The following ARHGAP26 variants were observed in gnomAD, a reference collection of about 807,000 sequenced individuals.
The protein encoded by ARHGAP26 is Rho GTPase activating protein 26.
ARHGAP26 carries 38 observed loss-of-function variants against 104.8 expected under a neutral mutation model. The ratio of observed to expected loss-of-function variants is 0.36; its 90% CI spans 0.28 to 0.48. The LOEUF (loss-of-function observed/expected upper bound fraction) is 0.48, where lower values mean the gene tolerates loss of function less well. Ranked by LOEUF, ARHGAP26 falls within the 20% of genes least tolerant of loss-of-function variation. The probability of loss-of-function intolerance (pLI) is 0.99; values close to 1 mark genes in which losing one functional copy is unlikely to be tolerated. For missense variants in ARHGAP26, 704 were observed against 947.9 expected (o/e 0.74, Z 3.38); for synonymous variants, 341 against 340.0 (o/e 1.00, Z -0.03).
intron 22 of ARHGAP26, among the ~76,000 whole-genome samples, chr5:143,220,158 C>T (rs1030609007): frequency 3.9e-5 from 6 of 152,132 alleles, no homozygotes; most frequent in Non-Finnish European, 5.9e-5. Flanking sequence ...GGCTATAAAG[C>T]GGGAGGGCCT....
At chr5:143,134,889 T>A (rs565684257) in intron 19 of ARHGAP26, among the ~76,000 whole-genome samples, 18 of 152,288 alleles carry the variant, frequency 1.2e-4, no homozygotes, top group Non-Finnish European at 5.9e-5. Flanking sequence ...GCCTGGGACA[T>A]GGCAAGGGCC....
intron 17 of ARHGAP26, among the ~76,000 whole-genome samples, chr5:143,085,091 G>T (rs1790380901): frequency 6.6e-6 from 1 of 150,556 alleles, no homozygotes; most frequent in Non-Finnish European, 1.5e-5. Flanking sequence ...CACGGGTAGA[G>T]TTTCCTCTCC....
chr5:143,017,606 G>A (rs116419617), intron 12 of ARHGAP26, among the ~76,000 whole-genome samples: 74 of 152,168 alleles, frequency 4.9e-4, no homozygotes, highest in African/African-American at 1.6e-3. Context: ...TTGATAAATG[G>A]TGTGTGTTAA....
intron 20 of ARHGAP26, among the ~76,000 whole-genome samples, chr5:143,179,009 A>G (rs1803911980): frequency 6.6e-6 from 1 of 152,022 alleles, no homozygotes; most frequent in Non-Finnish European, 1.5e-5. Flanking sequence ...AGCTGGGATT[A>G]CAGGCACCTG....
chr5:142,790,666 C>T (rs1201170105), intron 1 of ARHGAP26, among the ~76,000 whole-genome samples: 2 of 152,180 alleles, frequency 1.3e-5, no homozygotes, highest in African/African-American at 2.4e-5. Flanking sequence ...CCTCTTTCTA[C>T]CTCACTGTGT....
intron 1 of ARHGAP26, among the ~76,000 whole-genome samples, chr5:142,828,955 C>T (rs1252149970): frequency 6.6e-6 from 1 of 152,198 alleles, no homozygotes; most frequent in Non-Finnish European, 1.5e-5. Context: ...GTATCTGTTT[C>T]ACCTGTTAAA....
intron 11 of ARHGAP26, among the ~76,000 whole-genome samples, chr5:142,934,035 A>G (rs1322191854): frequency 1.3e-5 from 2 of 152,154 alleles, no homozygotes; most frequent in African/African-American, 2.4e-5. Flanking sequence ...ATGGGATTCT[A>G]TTCTTGGTAT....
At chr5:142,804,977 CATA>C (rs1212487315) in intron 1 of ARHGAP26, among the ~76,000 whole-genome samples, 5 of 152,178 alleles carry the variant, frequency 3.3e-5, no homozygotes, top group African/African-American at 1.2e-4. Flanking sequence ...TTTCACTTAG[CATA>C]ATGTTTTTCG....
chr5:142,826,827 TAAATACTTGATA>T (rs1767390453), intron 1 of ARHGAP26, among the ~76,000 whole-genome samples: 1 of 152,214 alleles, frequency 6.6e-6, no homozygotes, highest in Non-Finnish European at 1.5e-5. Context: ...TGAAAACTTT[TAAATACTTGATA>T]AAAACCTGGC....
intron 12 of ARHGAP26, among the ~76,000 whole-genome samples, chr5:143,020,022 T>A (rs1190043138): frequency 6.6e-6 from 1 of 152,234 alleles, no homozygotes; most frequent in East Asian, 1.9e-4. Context: ...ATCTGGCTTT[T>A]CAGAATGCCA....
At chr5:143,018,144 T>C (rs973985808) in intron 12 of ARHGAP26, among the ~76,000 whole-genome samples, 3 of 152,258 alleles carry the variant, frequency 2.0e-5, no homozygotes, top group Non-Finnish European at 4.4e-5. Flanking sequence ...GGTTTCCTCT[T>C]CTGTTAATTG....
chr5:142,855,329 TG>T (rs1366779198), intron 1 of ARHGAP26, among the ~76,000 whole-genome samples: 7 of 152,198 alleles, frequency 4.6e-5, no homozygotes, highest in African/African-American at 1.4e-4. Context: ...TTAGGGTTAT[TG>T]TTTTTTTCAG....
At chr5:143,208,598 G>A (rs1808969705) in intron 21 of ARHGAP26, among the ~76,000 whole-genome samples, 1 of 152,184 alleles carries the variant, frequency 6.6e-6, no homozygotes, top group South Asian at 2.1e-4. Flanking sequence ...CTAAAACACA[G>A]GGAGGTGACT....
intron 21 of ARHGAP26, among the ~76,000 whole-genome samples, chr5:143,211,312 A>G (rs1006908609): frequency 6.6e-6 from 1 of 152,202 alleles, no homozygotes; most frequent in African/African-American, 2.4e-5. Context: ...TACTAAAGAA[A>G]TATTTATTGT....
intron 8 of ARHGAP26, 94 bp downstream of exon 8, chr5:142,903,763 T>TA: frequency 7.7e-7 from 1 of 1,303,640 alleles, no homozygotes; most frequent in Non-Finnish European, 1.0e-6. Flanking sequence ...TTACTGTAGA[T>TA]ACATGCTTGG....
At chr5:142,849,284 G>C (rs1289426915) in intron 1 of ARHGAP26, among the ~76,000 whole-genome samples, 2 of 152,154 alleles carry the variant, frequency 1.3e-5, no homozygotes, top group Non-Finnish European at 2.9e-5. Flanking sequence ...TCTTGGGTAA[G>C]ACAGGTTCTC....
intron 20 of ARHGAP26, chr5:143,194,261 A>G (rs1214995498): frequency 6.6e-6 from 1 of 152,248 alleles, no homozygotes. Context: ...ACAAATATTT[A>G]TTAAGCTATG....
rs929355298 is a variant in ARHGAP26, at chr5:143,163,759, A to G, written c.1988+16378A>G. Among the ~76,000 whole-genome samples, 3 of 152,076 alleles carry G rather than the reference A, an allele frequency of 2.0e-5. No individual in the cohort carries two copies. The South Asian group carries it at 6.2e-4, about 32-fold the overall frequency. On this transcript the variant is annotated intron_variant, in intron 20 of 22. Transcript: ENST00000645722. The stretch of plus-strand genomic sequence containing the variant: ...AGCCACCATGCCTGGCCAGAGTTCT[A>G]GTTTTATGATCCATCTTTTTTCTCT...
intron 19 of ARHGAP26, among the ~76,000 whole-genome samples, 176 bp from the exon 20 acceptor site, chr5:143,147,055 C>T (rs1799250341): frequency 6.6e-6 from 1 of 152,174 alleles, no homozygotes; most frequent in South Asian, 2.1e-4. Context: ...CACCTGTTCC[C>T]CCTTGACTCT....
Sources: allele counts gnomAD v4.1 joint callset (sites outside exome capture counted in the v4.1 genomes callset), GRCh38; gene constraint gnomAD v4.1.1; transcripts MANE v1.5; gene names NCBI Gene and HGNC (gene_info 2026-07-23, HGNC 2026-07-21).